CNTN1: variants seen among roughly 807,000 people sequenced by gnomAD.
CNTN1 encodes contactin-1.
In CNTN1, 38 loss-of-function variants were observed where a neutral mutation model predicts 126.4. That is an observed-to-expected ratio of 0.30 (90% CI 0.23 to 0.39). The LOEUF (loss-of-function observed/expected upper bound fraction) is 0.39. Among genes scored for constraint, CNTN1 ranks in the 10% least tolerant of loss-of-function variants. The pLI is 1.00. For missense variants in CNTN1, 1,009 were observed against 1,248.4 expected, an observed-to-expected ratio of 0.81 and a Z score of 2.89; for synonymous variants, 413 against 422.6, an observed-to-expected ratio of 0.98 and a Z score of 0.28.
At chr12:41,031,249 A>T (rs1381688346) in intron 23 of CNTN1, among the ~76,000 whole-genome samples, 1 of 152,158 alleles carries the variant, frequency 6.6e-6, no homozygotes, top group Non-Finnish European at 1.5e-5. Context: ...CCTGTTTATA[A>T]TGTTTGCCTG....
intron 17 of CNTN1, among the ~76,000 whole-genome samples, chr12:41,006,699 G>T (rs1948501366): frequency 6.6e-6 from 1 of 152,190 alleles, no homozygotes; most frequent in Admixed American, 6.5e-5. Context: ...GGAAGATGTG[G>T]CTATTCCAAA....
rs142915228 is a variant in CNTN1, at chr12:40,956,681, T to A, written c.1684-2433T>A. Among the ~76,000 whole-genome samples the A allele has an allele frequency of 3.4e-3, 513 of 152,160 alleles. 3 individuals carry two copies. The highest frequency in any genetic ancestry group is 8.3e-3 in the African/African-American group (343 of 41,534). ...GAGTGAGATGGCACACTAGGTGAGC[T>A]GGAGCATCAGAGAGAGCCTAGAGAA... On this transcript the variant is annotated intron_variant, in intron 14 of 23. Transcript: ENST00000551295.
rs566673309 is a variant in CNTN1 at position 40,819,851 on chromosome 12, G to A, written c.-76-88506G>A. Among the ~76,000 whole-genome samples the A allele has an allele frequency of 1.6e-4, 25 of 152,300 alleles. No individual in the cohort carries two copies. The East Asian group carries it at 2.9e-3, about 18-fold the overall frequency. On this transcript the variant is annotated intron_variant, in intron 1 of 23. Transcript: ENST00000551295. ...TGGGTTGCACATTTCTGTGGAAAAA[G>A]GACAGTTTACCCAGCTGGGTATCGT...
intron 15 of CNTN1, among the ~76,000 whole-genome samples, chr12:40,963,347 T>A (rs1461240803): frequency 2.6e-5 from 4 of 152,086 alleles, no homozygotes; most frequent in Non-Finnish European, 5.9e-5. Context: ...AGTGAAAGTT[T>A]ATTTTTTTCC....
chr12:40,843,350 CT>C (rs1162643760), intron 1 of CNTN1, among the ~76,000 whole-genome samples: 3 of 151,940 alleles, frequency 2.0e-5, no homozygotes, highest in African/African-American at 7.3e-5. Context: ...AATAAAAGTT[CT>C]TTGAATATTT....
intron 23 of CNTN1, among the ~76,000 whole-genome samples, chr12:41,039,503 C>G (rs926271782): frequency 2.0e-5 from 3 of 152,096 alleles, no homozygotes; most frequent in African/African-American, 7.2e-5. Context: ...GAATCATCTA[C>G]TGAAAATACA....
rs75225422 is a variant in CNTN1 at position 40,790,897 on chromosome 12, A to G, written c.-77+98305A>G. Among the ~76,000 whole-genome samples the G allele has an allele frequency of 7.2e-4, 110 of 152,246 alleles. 2 individuals carry two copies. In the East Asian group the frequency reaches 0.019, roughly 27 times the overall value. On this transcript the variant is annotated intron_variant, in intron 1 of 23. Transcript: ENST00000551295. Reference sequence around the variant, plus strand: ...ATTCAAACTCAAGGAAGCCCCTTGTAATAATTAAGGTCTGGGCTTTTATTC... The same window carrying G: ...ATTCAAACTCAAGGAAGCCCCTTGTGATAATTAAGGTCTGGGCTTTTATTC...
chr12:41,040,707 T>C (rs2120942643), intron 23 of CNTN1, among the ~76,000 whole-genome samples: 1 of 152,118 alleles, frequency 6.6e-6, no homozygotes, highest in South Asian at 2.1e-4. Flanking sequence ...ATGATTTGGC[T>C]CTCTGTTTGT....
intron 1 of CNTN1, among the ~76,000 whole-genome samples, chr12:40,743,757 A>C (rs1316551429): frequency 6.6e-6 from 1 of 151,942 alleles, no homozygotes; most frequent in Admixed American, 6.6e-5. Flanking sequence ...CTTTAATGAT[A>C]GTTTGTTTTG....
chr12:40,953,909 T>A (rs1592315214), intron 14 of CNTN1, among the ~76,000 whole-genome samples: 1 of 152,104 alleles, frequency 6.6e-6, no homozygotes, highest in Non-Finnish European at 1.5e-5. Flanking sequence ...ATTAGATACA[T>A]CACATAAATA....
chr12:41,003,524 C>A (rs749859556), intron 17 of CNTN1, among the ~76,000 whole-genome samples: 2 of 151,666 alleles, frequency 1.3e-5, no homozygotes, highest in East Asian at 3.9e-4. Context: ...GGAATGGTAC[C>A]AGCTCTTCTT....
At chr12:41,053,542 T>G (rs1049260451) in intron 23 of CNTN1, among the ~76,000 whole-genome samples, 1 of 147,610 alleles carries the variant, frequency 6.8e-6, no homozygotes, top group Non-Finnish European at 1.5e-5. Context: ...GTAATTTTGT[T>G]AATTATGTTG....
intron 17 of CNTN1, among the ~76,000 whole-genome samples, chr12:41,001,426 C>A (rs1948357486): frequency 6.6e-6 from 1 of 152,046 alleles, no homozygotes; most frequent in Non-Finnish European, 1.5e-5. Flanking sequence ...TATTCATGAC[C>A]TTTGCCCACT....
chr12:41,061,602 T>C (rs1317941924), intron 23 of CNTN1, among the ~76,000 whole-genome samples: 1 of 152,196 alleles, frequency 6.6e-6, no homozygotes, highest in East Asian at 1.9e-4. Context: ...AATATCAACT[T>C]TGATTAGCAT....
chr12:41,013,854 A>T lies in CNTN1; in HGVS notation c.2114-374A>T, dbSNP rs539996870. Among the ~76,000 whole-genome samples the T allele has an allele frequency of 2.6e-5, 4 of 152,302 alleles. No homozygotes were observed. The South Asian group carries it at 6.2e-4, about 24-fold the overall frequency. On this transcript the variant is annotated intron_variant, in intron 17 of 23. Coordinates refer to ENST00000551295, the MANE Select transcript of CNTN1 (RefSeq NM_001843.4). ...CAATACAAATGCATGGTTTCTTAAC[A>T]TTTATTTGTAGAATGAAGCATGAAA...
intron 16 of CNTN1, among the ~76,000 whole-genome samples, chr12:40,983,379 T>C (rs563529765): frequency 6.6e-6 from 1 of 152,122 alleles, no homozygotes; most frequent in Non-Finnish European, 1.5e-5. Flanking sequence ...TTTTACTATT[T>C]TTGTTCCTCT....
chr12:40,712,170 C>T (rs946954265), intron 1 of CNTN1, among the ~76,000 whole-genome samples: 1 of 152,130 alleles, frequency 6.6e-6, no homozygotes, highest in Admixed American at 6.6e-5. Flanking sequence ...TCTATGAATA[C>T]TTTTCAGATG....
intron 16 of CNTN1, among the ~76,000 whole-genome samples, chr12:40,987,249 T>A (rs1947977744): frequency 6.6e-6 from 1 of 152,194 alleles, no homozygotes; most frequent in Non-Finnish European, 1.5e-5. Context: ...ACTTAAGATA[T>A]GAAATAAATA....
intron 3 of CNTN1, among the ~76,000 whole-genome samples, chr12:40,913,579 G>A (rs1043108647): frequency 5.3e-5 from 8 of 152,156 alleles, no homozygotes; most frequent in African/African-American, 1.4e-4. Flanking sequence ...AATAGACTGG[G>A]AAGTGGAGTT....
Sources: allele counts gnomAD v4.1 joint callset (sites outside exome capture counted in the v4.1 genomes callset), GRCh38; gene constraint gnomAD v4.1.1; transcripts MANE v1.5; gene names NCBI Gene and HGNC (gene_info 2026-07-23, HGNC 2026-07-21).